PHF3: variants seen among roughly 807,000 people sequenced by gnomAD.
PHF3 encodes the protein PHD finger protein 3.
Under a neutral mutation model 178.4 loss-of-function variants are expected in PHF3, and 41 were observed. The ratio of observed to expected loss-of-function variants is 0.23; its 90% CI spans 0.18 to 0.30. PHF3 has a LOEUF of 0.30. PHF3 is among the 10% of genes least tolerant of loss of function. The probability of loss-of-function intolerance (pLI) is 1.00; values close to 1 mark genes in which losing one functional copy is unlikely to be tolerated. For missense variants in PHF3, 2,346 were observed against 2,398.1 expected, an observed-to-expected ratio of 0.98 and a Z score of 0.45; for synonymous variants, 842 against 800.5, an observed-to-expected ratio of 1.05 and a Z score of -0.88.
intron 14 of PHF3, among the ~76,000 whole-genome samples, chr6:63,709,983 T>A (rs1767859153): frequency 6.6e-6 from 1 of 152,208 alleles, no homozygotes; most frequent in South Asian, 2.1e-4. Flanking sequence ...AGAAATTGTT[T>A]TTCCCTCCAC....
chr6:63,704,380 C>T (rs2149604436), intron 11 of PHF3, among the ~76,000 whole-genome samples: 1 of 152,034 alleles, frequency 6.6e-6, no homozygotes, highest in East Asian at 1.9e-4. Flanking sequence ...TAAAAATCCT[C>T]TTTACTCTGT....
In PHF3 at chr6:63,712,859, A is replaced by T; in HGVS notation, c.5271A>T (p.Gly1757=). ...NIETVHPFRR[G]SAVATSHFEV... ...AAACTGTGCACCCATTTCGAAGAGG[A>T]TCAGCAGTAGCGACATCTCATTTTG... Residue 1757 remains glycine (G), a synonymous_variant, in exon 16 of 16, where the codon GGA becomes GGT. Coordinates refer to ENST00000262043, the MANE Select transcript of PHF3 (RefSeq NM_001370348.2). 1 of 1,614,054 alleles carries T rather than the reference A, an allele frequency of 6.2e-7. No homozygotes were observed.
intron 2 of PHF3, among the ~76,000 whole-genome samples, chr6:63,664,241 C>T (rs1486791827): frequency 2.0e-5 from 3 of 152,192 alleles, no homozygotes; most frequent in Non-Finnish European, 2.9e-5. Flanking sequence ...TCCTGCCTCA[C>T]TTGTCAAAGA....
chr6:63,667,196 T>C (rs147279661), intron 2 of PHF3, among the ~76,000 whole-genome samples: 1,640 of 152,314 alleles, frequency 0.011, 21 homozygotes, highest in African/African-American at 0.038. Context: ...GAAGAACCCA[T>C]GGATTTGGAG....
chr6:63,690,390 A>G (rs1446089128), intron 4 of PHF3, among the ~76,000 whole-genome samples: 3 of 152,188 alleles, frequency 2.0e-5, no homozygotes, highest in Non-Finnish European at 1.5e-5. Context: ...CACAATAGGC[A>G]CATGAGGAAG....
At chr6:63,665,244 TA>T (rs1765630440) in intron 2 of PHF3, among the ~76,000 whole-genome samples, 1 of 152,094 alleles carries the variant, frequency 6.6e-6, no homozygotes, top group African/African-American at 2.4e-5. Flanking sequence ...AGGGACAGAT[TA>T]AAGGTGTGTA....
intron 2 of PHF3, among the ~76,000 whole-genome samples, chr6:63,674,741 A>T (rs1481139062): frequency 6.6e-6 from 1 of 152,178 alleles, no homozygotes; most frequent in Non-Finnish European, 1.5e-5. Flanking sequence ...TACTGCACAG[A>T]TATGTTCTTT....
chr6:63,712,563 A>T lies in PHF3; in HGVS notation c.4975A>T (p.Ser1659Cys). ...GGATCCTAGGCAAGCAGCAGGACGA[A>T]GTCAGCCTGTAACTACTTCAGAAAG... ...KRDPRQAAGR[S>C]QPVTTSESKD... Residue 1659 changes from serine to cysteine, a missense_variant, in exon 16 of 16, where the codon AGT (serine) becomes TGT (cysteine). By Grantham distance (112) the Ser-to-Cys change is moderately radical (BLOSUM62 -1). This residue lies in a region of PHF3 where 839 missense variants were observed against 806.9 expected (regional missense o/e 1.04). Transcript: ENST00000262043. 6.2e-7 allele frequency: 1 copy of T among 1,613,890 alleles called. No individual in the cohort carries two copies. Among genetic ancestry groups the T allele is most frequent in the Non-Finnish European group, 8.5e-7 (1 of 1,179,910 alleles).
Position 63,721,593 on chromosome 6 carries a change from C to T in PHF3, c.*7885C>T. On this transcript the variant is annotated 3_prime_UTR_variant, in exon 16 of 16. Coordinates refer to ENST00000262043, the MANE Select transcript of PHF3 (RefSeq NM_001370348.2). ...GAAGTCTGTATTTGTGTCCAGAGAA[C>T]TCATTTTAGTGGAGGCCTTTTCTGT... 6.4e-7 allele frequency: 1 copy of T among 1,551,596 alleles called. No homozygotes were observed. The highest frequency in any genetic ancestry group is 2.0e-5 in the Admixed American group (1 of 50,974).
intron 1 of PHF3, among the ~76,000 whole-genome samples, chr6:63,640,216 T>G: frequency 6.6e-6 from 1 of 152,212 alleles, no homozygotes; most frequent in East Asian, 1.9e-4. Context: ...AGAATGATAC[T>G]TTGTAGTATT....
chr6:63,699,979 C>T (rs1767402154), intron 8 of PHF3, among the ~76,000 whole-genome samples: 1 of 152,098 alleles, frequency 6.6e-6, no homozygotes, highest in Non-Finnish European at 1.5e-5. Context: ...TATGTAAAAT[C>T]TTAAAACTAT....
chr6:63,652,701 A>AT (rs1471394904), intron 2 of PHF3, among the ~76,000 whole-genome samples: 1 of 151,976 alleles, frequency 6.6e-6, no homozygotes. Flanking sequence ...TTTTGAGTTG[A>AT]TTTTTGTATA....
Position 63,711,865 on chromosome 6 carries a change from A to G in PHF3, c.4277A>G (p.Glu1426Gly). ...NLQEDLPTAV[E>G]PLMEVTKQEP... ...CAGGAAGACCTTCCAACAGCAGTTG[A>G]ACCTTTAATGGAAGTCACCAAACAG... is the stretch of plus-strand genomic sequence containing the variant. The change falls in exon 16 of 16, where the codon GAA becomes GGA. Residue 1426 changes from glutamate (E) to glycine (G), a missense_variant. This residue lies in a region of PHF3 where 839 missense variants were observed against 806.9 expected (regional missense o/e 1.04). Coordinates refer to ENST00000262043, the MANE Select transcript of PHF3 (RefSeq NM_001370348.2). 1 of 1,614,114 alleles carries G rather than the reference A, an allele frequency of 6.2e-7. No individual in the cohort carries two copies. Among genetic ancestry groups the G allele is most frequent in the Non-Finnish European group, 8.5e-7 (1 of 1,179,964 alleles).
chr6:63,664,743 C>T (rs1272610549), intron 2 of PHF3, among the ~76,000 whole-genome samples: 1 of 151,958 alleles, frequency 6.6e-6, no homozygotes, highest in East Asian at 1.9e-4. Flanking sequence ...AAATTTTTTA[C>T]ATATCTGGTT....
chr6:63,636,977 T>A (rs1226719469), intron 1 of PHF3, among the ~76,000 whole-genome samples: 4 of 152,088 alleles, frequency 2.6e-5, no homozygotes, highest in African/African-American at 9.7e-5. Flanking sequence ...CCTTTTTCCA[T>A]CTTTGGGCTT....
At chr6:63,664,974 G>A (rs1481479979) in intron 2 of PHF3, among the ~76,000 whole-genome samples, 1 of 151,984 alleles carries the variant, frequency 6.6e-6, no homozygotes, top group African/African-American at 2.4e-5. Flanking sequence ...CAGTGTGCTT[G>A]TTTTTTAAAA....
At chr6:63,694,811 T>G in intron 6 of PHF3, 47 bp downstream of exon 6, 2 of 1,046,598 alleles carry the variant, frequency 1.9e-6, no homozygotes, top group Non-Finnish European at 2.5e-6. Context: ...ATTTATATCT[T>G]ATTTAAGATA....
In PHF3 at chr6:63,706,046, G is replaced by A; in HGVS notation, c.3385G>A (p.Val1129Ile). Residue 1129 changes from valine (V) to isoleucine (I), a missense_variant, in exon 12 of 16, where the codon GTA becomes ATA. Val to Ile is a conservative substitution (Grantham distance 29). Around this residue, in one of 8 missense-constraint regions of PHF3, gnomAD observed 205 missense variants for 212.4 expected, o/e 0.97. Coordinates refer to ENST00000262043, the MANE Select transcript of PHF3 (RefSeq NM_001370348.2). ...KICIGRMAPP[V>I]DDLSPKKVKV... Reference sequence around the variant, plus strand: ...GGGCTTAGGTCGAATGGCACCACCTGTAGATGATCTTTCTCCAAAAAAAGT... The same window carrying A: ...GGGCTTAGGTCGAATGGCACCACCTATAGATGATCTTTCTCCAAAAAAAGT... The A allele has an allele frequency of 1.9e-6, 3 of 1,612,944 alleles. No individual in the cohort carries two copies. Among genetic ancestry groups the A allele is most frequent in the Non-Finnish European group, 2.5e-6 (3 of 1,179,678 alleles).
Position 63,684,169 on chromosome 6 carries a change from T to C in PHF3, c.447T>C (p.Arg149=). The C allele has an allele frequency of 6.2e-7, 1 of 1,613,100 alleles. No individual in the cohort carries two copies. The highest frequency in any genetic ancestry group is 8.5e-7 in the Non-Finnish European group (1 of 1,179,616). Residue 149 remains arginine, a synonymous_variant, in exon 4 of 16, where the codon CGT becomes CGC. Transcript: ENST00000262043. ...RSLRQSTIAK[R]SNAAPLSNTK... ...TGCGACAGAGCACTATTGCCAAGCGTTCAAATGCAGCACCATTAAGTAACA... is the reference window on the plus strand; with the variant it reads ...TGCGACAGAGCACTATTGCCAAGCGCTCAAATGCAGCACCATTAAGTAACA...
Sources: allele counts gnomAD v4.1 joint callset (sites outside exome capture counted in the v4.1 genomes callset), GRCh38; gene constraint gnomAD v4.1.1; regional missense constraint gnomAD v4.1.1; transcripts MANE v1.5; gene names NCBI Gene and HGNC (gene_info 2026-07-23, HGNC 2026-07-21).